The following ZNF439 variants were observed in gnomAD, a reference collection of about 807,000 sequenced individuals.
ZNF439 encodes zinc finger protein 439.
In ZNF439, 40 loss-of-function variants were observed where a neutral mutation model predicts 47.3. The ratio of observed to expected loss-of-function variants is 0.85; its 90% CI spans 0.66 to 1.10. ZNF439 has a LOEUF of 1.10. Among genes scored for constraint, ZNF439 ranks in the 50% least tolerant of loss-of-function variants. The probability of loss-of-function intolerance (pLI) is 0.00; values close to 1 mark genes in which losing one functional copy is unlikely to be tolerated. For synonymous variants in ZNF439, 171 were observed against 198.8 expected (o/e 0.86, Z 1.18); for missense variants, 556 against 601.1 (o/e 0.93, Z 0.78).
Position 11,866,278 on chromosome 19 carries a change from A to C in ZNF439, c.137A>C (p.Lys46Thr). Residue 46 changes from lysine (K) to threonine (T), a missense_variant, in exon 2 of 4, where the codon AAG (lysine) becomes ACG (threonine). Lys to Thr is a moderately conservative substitution (Grantham distance 78, BLOSUM62 -1). Transcript: ENST00000682736. ...TGGGCTTTGCTGGATATTTCCCAGAAGAATCTCTACAGGGAAGTGATGCTG... is the reference window on the plus strand; with the variant it reads ...TGGGCTTTGCTGGATATTTCCCAGACGAATCTCTACAGGGAAGTGATGCTG... Reference protein sequence around the residue: ...EEWALLDISQKNLYREVMLET... With the variant: ...EEWALLDISQTNLYREVMLET... The C allele has an allele frequency of 6.2e-7, 1 of 1,614,186 alleles. No individual in the cohort carries two copies. Among genetic ancestry groups the C allele is most frequent in the Non-Finnish European group, 8.5e-7 (1 of 1,180,024 alleles).
rs202196999 is a variant in ZNF439 at position 11,868,262 on chromosome 19, G to A, written c.1208G>A (p.Arg403Gln). The A allele has an allele frequency of 2.0e-5, 33 of 1,613,626 alleles. No individual in the cohort carries two copies. The highest frequency in any genetic ancestry group is 3.3e-5 in the South Asian group (3 of 91,060). ...GCCTTCACTCGTTCCGGTTCCTTTC[G>A]ATATCATGAAAGGACTCACACTGGA... ...GKAFTRSGSF[R>Q]YHERTHTGEK... The change falls in exon 4 of 4, where the codon CGA becomes CAA. Residue 403 changes from arginine to glutamine, a missense_variant. Transcript: ENST00000682736.
At position 11,866,345 on chromosome 19, in the gene ZNF439, T is replaced by C. The variant is rs1409846193; in HGVS notation, c.190+14T>C. ...TGACCTCTATAGGTAAGGATGACAA[T>C]ATTCCTTCCCTCAGTGCATTAGTTT... On this transcript the variant is annotated intron_variant, in intron 2 of 3. Coordinates refer to ENST00000682736, the MANE Select transcript of ZNF439 (RefSeq NM_001348719.2). The C allele has an allele frequency of 3.1e-6, 5 of 1,613,934 alleles. No individual in the cohort carries two copies. The Admixed American group carries it at 8.3e-5, about 27-fold the overall frequency.
chr19:11,860,919 G>A (rs1211862273), intron 1 of ZNF439, among the ~76,000 whole-genome samples: 1 of 152,182 alleles, frequency 6.6e-6, no homozygotes, highest in Non-Finnish European at 1.5e-5. Context: ...ACAGTTTACT[G>A]TATGATCATA....
intron 1 of ZNF439, among the ~76,000 whole-genome samples, chr19:11,855,365 G>A (rs1270236216): frequency 2.0e-5 from 3 of 152,100 alleles, no homozygotes; most frequent in Non-Finnish European, 4.4e-5. Flanking sequence ...CAGGTGGGGC[G>A]ACTGGGCCGG....
Position 11,866,601 on chromosome 19 carries a change from A to G in ZNF439, c.251+4A>G. 1 of 1,612,686 alleles carries G rather than the reference A, an allele frequency of 6.2e-7. No homozygotes were observed. The highest frequency in any genetic ancestry group is 8.5e-7 in the Non-Finnish European group (1 of 1,178,818). Reference sequence around the variant, plus strand: ...AAAACCCCAGGAGAAACTTCAGGTAATTTGCACTTATAAGAGAAAGCAGTG... The same window carrying G: ...AAAACCCCAGGAGAAACTTCAGGTAGTTTGCACTTATAAGAGAAAGCAGTG... On this transcript the variant is annotated splice_donor_region_variant and intron_variant, in intron 3 of 3. Coordinates refer to ENST00000682736, the MANE Select transcript of ZNF439 (RefSeq NM_001348719.2).
intron 1 of ZNF439, among the ~76,000 whole-genome samples, chr19:11,851,495 T>A (rs1360034815): frequency 6.6e-6 from 1 of 152,188 alleles, no homozygotes; most frequent in Non-Finnish European, 1.5e-5. Context: ...GACTATGGGT[T>A]GTGACTGGCA....
In ZNF439 at chr19:11,866,544, G is replaced by A. The variant is rs773093021; in HGVS notation, c.198G>A (p.Lys66=). The A allele has an allele frequency of 5.0e-6, 8 of 1,613,096 alleles. No homozygotes were observed. The East Asian group carries it at 1.6e-4, about 31-fold the overall frequency. ...TFWNLTSIGK[K]WKDQNIEYEY... is the part of the protein sequence containing the mutation. ...TCTGTGTTTGTATTTTAGGAAAAAA[G>A]TGGAAAGACCAGAACATTGAATATG... The change falls in exon 3 of 4, where the codon AAG becomes AAA. Residue 66 remains lysine (K), a synonymous_variant. Coordinates refer to ENST00000682736, the MANE Select transcript of ZNF439 (RefSeq NM_001348719.2).
At chr19:11,849,329 G>C (rs1976165879) in intron 1 of ZNF439, 10 of 987,496 alleles carry the variant, frequency 1.0e-5, no homozygotes, top group Non-Finnish European at 1.1e-5. Context: ...TTAACAAAAA[G>C]TTCATTTGAG....
chr19:11,864,616 A>G (rs756966035), intron 1 of ZNF439, among the ~76,000 whole-genome samples: 2 of 152,096 alleles, frequency 1.3e-5, no homozygotes, highest in African/African-American at 4.8e-5. Context: ...ATTTGTTATC[A>G]ATACTTACTA....
intron 1 of ZNF439, chr19:11,850,015 T>C (rs1340662000): frequency 1.3e-5 from 2 of 152,232 alleles, no homozygotes; most frequent in South Asian, 2.1e-4. Flanking sequence ...TTTCAGGGTG[T>C]TTTGGGGGTT....
chr19:11,853,221 G>A (rs1047410661), intron 1 of ZNF439, among the ~76,000 whole-genome samples: 12 of 152,126 alleles, frequency 7.9e-5, no homozygotes, highest in African/African-American at 2.9e-4. Context: ...GAGCCACCAC[G>A]CCTGGCCTAA....
At chr19:11,849,327 A>G (rs911780598) in intron 1 of ZNF439, 1 of 989,550 alleles carries the variant, frequency 1.0e-6, no homozygotes, top group South Asian at 4.4e-5. Flanking sequence ...CGTTAACAAA[A>G]AGTTCATTTG....
intron 1 of ZNF439, among the ~76,000 whole-genome samples, chr19:11,863,175 A>ATTTTTTT (rs1976585469): frequency 2.6e-5 from 1 of 37,748 alleles, no homozygotes; most frequent in Non-Finnish European, 5.7e-5. Context: ...TTTTTTTTTG[A>ATTTTTTT]GTTGTAGTCT....
At chr19:11,855,481 C>G (rs528467843) in intron 1 of ZNF439, among the ~76,000 whole-genome samples, 1 of 152,256 alleles carries the variant, frequency 6.6e-6, no homozygotes, top group East Asian at 1.9e-4. Context: ...TATAAGACAG[C>G]TACTGTTGAG....
At position 11,848,763 on chromosome 19, in the gene ZNF439, C is replaced by T. The variant is rs946685665; in HGVS notation, c.-105C>T. ...GGCACGGAGGATGTTGCATTCCTGC[C>T]GTCACCTTTGTCGCTGCGAGGGCGG... On this transcript the variant is annotated 5_prime_UTR_variant, in exon 1 of 4. Coordinates refer to ENST00000682736, the MANE Select transcript of ZNF439 (RefSeq NM_001348719.2). 38 of 1,292,432 alleles carry T rather than the reference C, an allele frequency of 2.9e-5. No homozygotes were observed. Among genetic ancestry groups the T allele is most frequent in the Non-Finnish European group, 3.4e-5 (34 of 996,948 alleles). The allele number at this position is 1,292,432 out of a possible 1,614,324, so 80.1% of individuals were successfully genotyped here.
chr19:11,862,660 T>C (rs1459179073), intron 1 of ZNF439, among the ~76,000 whole-genome samples: 1 of 152,226 alleles, frequency 6.6e-6, no homozygotes, highest in East Asian at 1.9e-4. Flanking sequence ...GAGAGTTCAC[T>C]GTCACCAGCA....
chr19:11,850,567 C>T (rs888560587), intron 1 of ZNF439: 1 of 151,860 alleles, frequency 6.6e-6, no homozygotes, highest in African/African-American at 2.4e-5. Context: ...TAGCAATGAC[C>T]AAAACACAGA....
intron 1 of ZNF439, among the ~76,000 whole-genome samples, chr19:11,852,245 A>C (rs757455939): frequency 6.6e-6 from 1 of 151,946 alleles, no homozygotes; most frequent in Non-Finnish European, 1.5e-5. Flanking sequence ...ACATAGTGAG[A>C]CCCCCCATCT....
intron 1 of ZNF439, among the ~76,000 whole-genome samples, chr19:11,864,173 G>A (rs1397209272): frequency 1.3e-5 from 2 of 152,262 alleles, no homozygotes; most frequent in South Asian, 2.1e-4. Context: ...TCAGACTTTG[G>A]TAATGACCTT....
Sources: allele counts gnomAD v4.1 joint callset (sites outside exome capture counted in the v4.1 genomes callset), GRCh38; gene constraint gnomAD v4.1.1; transcripts MANE v1.5; gene names NCBI Gene and HGNC (gene_info 2026-07-23, HGNC 2026-07-21).